The following WDR72 variants were observed in gnomAD, a reference collection of about 807,000 sequenced individuals.
WDR72 encodes WD repeat-containing protein 72.
Under a neutral mutation model 124.2 loss-of-function variants are expected in WDR72, and 120 were observed. The ratio of observed to expected loss-of-function variants is 0.97; its 90% CI spans 0.83 to 1.12. The LOEUF (loss-of-function observed/expected upper bound fraction) is 1.12. WDR72 is among the 50% of genes most tolerant of loss of function. WDR72 has a pLI of 0.00. For missense variants in WDR72, 1,387 were observed against 1,278.8 expected, an observed-to-expected ratio of 1.08 and a Z score of -1.29; for synonymous variants, 452 against 441.7, an observed-to-expected ratio of 1.02 and a Z score of -0.29.
chr15:53,686,763 T>C lies in WDR72; in HGVS notation c.1765+12987A>G, dbSNP rs569124493. ...CCCAAATCAACAGAATATACATTTT[T>C]TTCAGCACCACACCACACCTATTCC... On this transcript the variant is annotated intron_variant, in intron 13 of 19. Transcript: ENST00000360509. 4.1e-3 allele frequency among the ~76,000 whole-genome samples: 623 copies of C among 150,230 alleles called. 4 individuals carry two copies. The highest frequency in any genetic ancestry group is 0.015 in the African/African-American group (601 of 40,342).
chr15:53,605,182 T>A (rs2013223898), intron 17 of WDR72, among the ~76,000 whole-genome samples: 1 of 152,236 alleles, frequency 6.6e-6, no homozygotes, highest in Non-Finnish European at 1.5e-5. Flanking sequence ...GATCACGTGC[T>A]TTGCACTGAC....
intron 9 of WDR72, among the ~76,000 whole-genome samples, chr15:53,706,369 T>TATATATATATATATAC (rs2017371913): frequency 2.0e-5 from 1 of 51,020 alleles, no homozygotes; most frequent in South Asian, 7.3e-4. Context: ...TATATATATA[T>TATATATATATATATAC]ATATATATAT....
rs373412410 is a variant in WDR72 at position 53,617,417 on chromosome 15, T to C, written c.1963-1174A>G. Among the ~76,000 whole-genome samples the C allele has an allele frequency of 5.9e-5, 9 of 151,778 alleles. No individual in the cohort carries two copies. In the South Asian group the frequency reaches 1.2e-3, roughly 21 times the overall value. ...TTTATACTATGGTGTGTTGTGTTTT[T>C]GGTTTGGTTTTCTGAAATTTTTTTA... On this transcript the variant is annotated intron_variant, in intron 14 of 19. Transcript: ENST00000360509.
chr15:53,526,605 A>C (rs932778983), intron 18 of WDR72, among the ~76,000 whole-genome samples: 1 of 152,038 alleles, frequency 6.6e-6, no homozygotes, highest in African/African-American at 2.4e-5. Context: ...ATCTTTACTC[A>C]TGGTGGGCCC....
At chr15:53,747,913 G>C (rs1360594763) in intron 1 of WDR72, among the ~76,000 whole-genome samples, 1 of 151,628 alleles carries the variant, frequency 6.6e-6, no homozygotes, top group Non-Finnish European at 1.5e-5. Flanking sequence ...AAAGCTCAAA[G>C]TTCAGGCTTT....
chr15:53,633,055 G>C (rs1029377218), intron 14 of WDR72, among the ~76,000 whole-genome samples: 1 of 152,142 alleles, frequency 6.6e-6, no homozygotes, highest in Non-Finnish European at 1.5e-5. Context: ...ATGTGAGAAG[G>C]AGATGATATT....
chr15:53,706,464 A>G (rs186605125), intron 9 of WDR72, among the ~76,000 whole-genome samples: 136 of 148,848 alleles, frequency 9.1e-4, no homozygotes, highest in African/African-American at 3.2e-3. Context: ...CAATAACCCT[A>G]TAAAATTGGT....
chr15:53,652,164 G>C (rs2015265402), intron 14 of WDR72: 1 of 152,206 alleles, frequency 6.6e-6, no homozygotes, highest in Non-Finnish European at 1.5e-5. Context: ...GGAGAATAGA[G>C]TCACCAGAAC....
intron 18 of WDR72, among the ~76,000 whole-genome samples, chr15:53,565,059 G>C (rs761677908): frequency 2.6e-5 from 4 of 151,798 alleles, no homozygotes; most frequent in Non-Finnish European, 4.4e-5. Context: ...AAAAACACTT[G>C]ATTCAATCCT....
chr15:53,534,734 A>T (rs1477899398), intron 18 of WDR72, among the ~76,000 whole-genome samples: 1 of 152,154 alleles, frequency 6.6e-6, no homozygotes, highest in Non-Finnish European at 1.5e-5. Flanking sequence ...AAAGTACTCA[A>T]AAGCTGTATT....
At chr15:53,650,160 CAT>C (rs2015180952) in intron 14 of WDR72, among the ~76,000 whole-genome samples, 2 of 152,118 alleles carry the variant, frequency 1.3e-5, no homozygotes, top group Non-Finnish European at 2.9e-5. Context: ...ACCTTGCAGA[CAT>C]ATGCTAAGTG....
intron 7 of WDR72, 33 bp from the exon 8 acceptor site, chr15:53,711,514 G>C: frequency 6.2e-7 from 1 of 1,610,308 alleles, no homozygotes. Flanking sequence ...ATTATCAAAG[G>C]CTTAAATCTA....
chr15:53,539,029 G>GA (rs1892922499), intron 18 of WDR72, among the ~76,000 whole-genome samples: 1 of 151,656 alleles, frequency 6.6e-6, no homozygotes. Flanking sequence ...ACTCATAAGG[G>GA]AAAAAAATAA....
At chr15:53,697,984 T>C (rs2140515963) in intron 13 of WDR72, among the ~76,000 whole-genome samples, 1 of 152,314 alleles carries the variant, frequency 6.6e-6, no homozygotes, top group East Asian at 1.9e-4. Flanking sequence ...AATTTTTTTA[T>C]ATTTTTAGTA....
At chr15:53,538,843 G>C (rs1050047912) in intron 18 of WDR72, among the ~76,000 whole-genome samples, 4 of 152,080 alleles carry the variant, frequency 2.6e-5, no homozygotes, top group African/African-American at 7.2e-5. Context: ...GAAATAACTG[G>C]ATCAGAGATT....
At chr15:53,532,985 A>G (rs564385186) in intron 18 of WDR72, among the ~76,000 whole-genome samples, 1 of 152,298 alleles carries the variant, frequency 6.6e-6, no homozygotes, top group South Asian at 2.1e-4. Flanking sequence ...GCACTGAGCT[A>G]TCATTTGTTA....
intron 16 of WDR72, 82 bp from the exon 17 acceptor site, chr15:53,609,674 C>A: frequency 1.7e-6 from 2 of 1,189,484 alleles, no homozygotes; most frequent in East Asian, 2.4e-5. Context: ...ATATTAGAAT[C>A]ACCTGGGAAG....
chr15:53,609,440 A>G, intron 17 of WDR72, 73 bp downstream of exon 17: 7 of 1,294,370 alleles, frequency 5.4e-6, no homozygotes, highest in Non-Finnish European at 7.8e-6. Context: ...ATTTTCAGAT[A>G]GAGGGGGGTA....
chr15:53,687,716 G>A (rs1341220728), intron 13 of WDR72, among the ~76,000 whole-genome samples: 1 of 147,588 alleles, frequency 6.8e-6, no homozygotes, highest in Non-Finnish European at 1.5e-5. Flanking sequence ...ATTTTATGAG[G>A]CCAGCATCAT....
Sources: allele counts gnomAD v4.1 joint callset (sites outside exome capture counted in the v4.1 genomes callset), GRCh38; gene constraint gnomAD v4.1.1; transcripts MANE v1.5; gene names NCBI Gene and HGNC (gene_info 2026-07-23, HGNC 2026-07-21).